Variants in COL24A1 observed in about 807,000 individuals in gnomAD.
COL24A1 encodes collagen alpha-1(XXIV) chain.
A neutral mutation model predicts 253.9 loss-of-function variants in COL24A1; 224 were observed. That is an observed-to-expected ratio of 0.88 (90% CI 0.79 to 0.99). The LOEUF (loss-of-function observed/expected upper bound fraction) is 0.99, where lower values mean the gene tolerates loss of function less well. Ranked by LOEUF, COL24A1 falls within the 50% of genes least tolerant of loss-of-function variation. COL24A1 has a pLI of 0.00. For synonymous variants in COL24A1, 685 were observed against 673.7 expected (o/e 1.02, Z -0.26); for missense variants, 2,131 against 2,068.5 (o/e 1.03, Z -0.59).
chr1:85,835,584 G>A (rs2102186330), intron 43 of COL24A1, among the ~76,000 whole-genome samples: 2 of 152,208 alleles, frequency 1.3e-5, no homozygotes, highest in Middle Eastern at 3.4e-3. Flanking sequence ...TGATTATTCA[G>A]TCATAAAGAC....
intron 20 of COL24A1, among the ~76,000 whole-genome samples, chr1:85,972,915 T>C (rs898187256): frequency 6.6e-6 from 1 of 152,082 alleles, no homozygotes; most frequent in Non-Finnish European, 1.5e-5. Flanking sequence ...AGAGTTGGAG[T>C]GACTGGGCTC....
chr1:85,855,739 AT>A (rs1678364181), intron 37 of COL24A1, among the ~76,000 whole-genome samples: 1 of 152,130 alleles, frequency 6.6e-6, no homozygotes, highest in African/African-American at 2.4e-5. Context: ...AATCCCTCCT[AT>A]TCAATTTTTT....
At chr1:85,737,533 T>A in intron 57 of COL24A1, 28 bp from the exon 58 acceptor site, 1 of 1,417,134 alleles carries the variant, frequency 7.1e-7, no homozygotes, top group Non-Finnish European at 9.8e-7. Flanking sequence ...AACATAAAGT[T>A]AAAGTTATTA....
intron 1 of COL24A1, among the ~76,000 whole-genome samples, 197 bp from the exon 2 acceptor site, chr1:86,146,380 C>T (rs1198622566): frequency 2.6e-5 from 4 of 152,138 alleles, no homozygotes; most frequent in South Asian, 4.1e-4. Context: ...GACTTGGGCA[C>T]ATTTTTAATC....
intron 19 of COL24A1, among the ~76,000 whole-genome samples, chr1:85,997,939 G>A (rs1388448937): frequency 6.6e-6 from 1 of 152,130 alleles, no homozygotes; most frequent in East Asian, 1.9e-4. Context: ...GTGTGTTCCT[G>A]TGAATGTAGC....
intron 43 of COL24A1, 35 bp from the exon 44 acceptor site, chr1:85,823,773 T>C: frequency 6.3e-7 from 1 of 1,586,018 alleles, no homozygotes; most frequent in Non-Finnish European, 8.6e-7. Flanking sequence ...TTAGAGTAAG[T>C]AGAGACATGT....
chr1:85,740,809 T>C (rs1664530025), intron 57 of COL24A1, among the ~76,000 whole-genome samples: 2 of 149,450 alleles, frequency 1.3e-5, no homozygotes, highest in Admixed American at 6.6e-5. Flanking sequence ...ACTGTGTTCC[T>C]ATAGAAGAAT....
chr1:86,105,495 G>A (rs1353223549), intron 5 of COL24A1, among the ~76,000 whole-genome samples: 1 of 152,170 alleles, frequency 6.6e-6, no homozygotes, highest in Non-Finnish European at 1.5e-5. Context: ...AGCATTGGGT[G>A]CCCTGGGAAA....
At position 85,783,442 on chromosome 1, in the gene COL24A1, C is replaced by T. The variant is rs1052835170; in HGVS notation, c.4284+54G>A. On this transcript the variant is annotated intron_variant, in intron 51 of 59. Coordinates refer to ENST00000370571, the MANE Select transcript of COL24A1 (RefSeq NM_152890.7). The stretch of plus-strand genomic sequence containing the variant: ...ACATTACATTTAGAGCTCTTAAGCC[C>T]TGCAGTAAGCAAAGAACCACAATTT... 1.4e-5 allele frequency: 21 copies of T among 1,461,572 alleles called. No individual in the cohort carries two copies. The South Asian group carries it at 1.6e-4, about 11-fold the overall frequency. The allele number at this position is 1,461,572 out of a possible 1,614,324, so 90.5% of individuals were successfully genotyped here.
At chr1:86,019,859 T>G (rs1224752696) in intron 18 of COL24A1, among the ~76,000 whole-genome samples, 1 of 151,976 alleles carries the variant, frequency 6.6e-6, no homozygotes, top group East Asian at 1.9e-4. Flanking sequence ...TCATTAGCAT[T>G]TATTGTGACT....
intron 7 of COL24A1, among the ~76,000 whole-genome samples, chr1:86,088,362 A>G (rs1409988422): frequency 6.6e-6 from 1 of 152,186 alleles, no homozygotes; most frequent in Non-Finnish European, 1.5e-5. Context: ...AGATATCCAT[A>G]TCAAGTCAAA....
At chr1:85,920,285 A>G (rs1333913828) in intron 24 of COL24A1, among the ~76,000 whole-genome samples, 1 of 152,244 alleles carries the variant, frequency 6.6e-6, no homozygotes, top group African/African-American at 2.4e-5. Context: ...GTATGGTTAC[A>G]TGTTGACATG....
chr1:85,757,579 T>C (rs74841667), intron 55 of COL24A1, among the ~76,000 whole-genome samples: 5,511 of 149,304 alleles, frequency 0.037, 115 homozygotes, highest in Middle Eastern at 0.084. Context: ...GCATTTTTTT[T>C]CCCAACAGGT....
intron 5 of COL24A1, among the ~76,000 whole-genome samples, chr1:86,094,082 A>G (rs6691885): frequency 0.9 from 136,345 of 152,124 alleles, 61,834 homozygotes; most frequent in Non-Finnish European, 0.97. Flanking sequence ...ACAGTGTGGC[A>G]ATTCCTCAAA....
In COL24A1 at chr1:85,744,960, T is replaced by C. The variant is rs371053361; in HGVS notation, c.4504-126A>G. On this transcript the variant is annotated intron_variant, in intron 56 of 59. Transcript: ENST00000370571. ...TGAGTAGAATGTAAAGAACAGTTTA[T>C]ATTTAAGCATAGGCATATGTGTATG... 2.9e-5 allele frequency: 19 copies of C among 662,476 alleles called. No homozygotes were observed. The African/African-American group carries it at 3.1e-4, about 11-fold the overall frequency. The allele number at this position is 662,476 out of a possible 1,614,324, so 41.0% of individuals were successfully genotyped here. A position where few individuals can be genotyped will look rare whatever the true frequency, so the allele number is the denominator to read the frequency against.
chr1:86,041,010 T>C (rs1479038074), intron 12 of COL24A1, among the ~76,000 whole-genome samples: 1 of 152,186 alleles, frequency 6.6e-6, no homozygotes, highest in Non-Finnish European at 1.5e-5. Flanking sequence ...ACCAGGATTT[T>C]ATATTCTGAA....
At position 86,089,207 on chromosome 1, in the gene COL24A1, T is replaced by A. The variant is rs771448601; in HGVS notation, c.1674A>T (p.Gly558=). ...CTTGCATACCAGGGGGGCCCATTAA[T>A]CCAGAAAGGCCTTGATCACCCTATA... ...PGEKGDQGLS[G]LMGPPGMQGD... Residue 558 remains glycine, a synonymous_variant, in exon 7 of 60, where the codon GGA becomes GGT. Transcript: ENST00000370571. The A allele has an allele frequency of 6.9e-6, 11 of 1,587,366 alleles. 1 individual carries two copies. In the East Asian group the frequency reaches 2.0e-4, roughly 29 times the overall value.
At chr1:85,893,462 A>T (rs1388356435) in intron 31 of COL24A1, among the ~76,000 whole-genome samples, 1 of 152,144 alleles carries the variant, frequency 6.6e-6, no homozygotes, top group East Asian at 1.9e-4. Flanking sequence ...TCACAAACTG[A>T]TAGACTATCT....
chr1:86,140,890 G>C (rs1463242017), intron 2 of COL24A1, among the ~76,000 whole-genome samples: 1 of 152,030 alleles, frequency 6.6e-6, no homozygotes, highest in Non-Finnish European at 1.5e-5. Context: ...CCTAAAACTT[G>C]GACATAAAAA....
Sources: gnomAD v4.1 joint callset for allele counts (sites outside exome capture counted in the v4.1 genomes callset) on GRCh38, gnomAD v4.1.1 for gene constraint, MANE v1.5 for transcripts, NCBI Gene and HGNC (gene_info 2026-07-23, HGNC 2026-07-21) for gene names.